The following DISC1 variants were observed in gnomAD, a reference collection of about 807,000 sequenced individuals.
DISC1 encodes the protein disrupted in schizophrenia 1 protein.
In DISC1, 57 loss-of-function variants were observed where a neutral mutation model predicts 84.5. The ratio of observed to expected loss-of-function variants is 0.67; its 90% CI spans 0.55 to 0.84. DISC1 has a LOEUF of 0.84. Ranked by LOEUF, DISC1 falls within the 40% of genes least tolerant of loss-of-function variation. The pLI, the probability that DISC1 is intolerant of heterozygous loss-of-function variation, is 0.00. For synonymous variants in DISC1, 411 were observed against 415.2 expected (o/e 0.99, Z 0.12); for missense variants, 1,000 against 1,057.8 (o/e 0.95, Z 0.76).
intron 10 of DISC1, among the ~76,000 whole-genome samples, chr1:231,995,537 G>A (rs1196357740): frequency 6.6e-6 from 1 of 151,214 alleles, no homozygotes; most frequent in South Asian, 2.1e-4. Flanking sequence ...TCCCCTTCCT[G>A]TGTCCATGTG....
chr1:231,808,937 C>T (rs981227394), intron 8 of DISC1, among the ~76,000 whole-genome samples: 1 of 152,094 alleles, frequency 6.6e-6, no homozygotes, highest in African/African-American at 2.4e-5. Flanking sequence ...CACAGAGAGT[C>T]GGGAGGGCAG....
intron 11 of DISC1, among the ~76,000 whole-genome samples, chr1:232,017,257 G>A (rs971822230): frequency 5.9e-5 from 9 of 152,150 alleles, no homozygotes; most frequent in Admixed American, 6.6e-5. Flanking sequence ...ATGGATGGGG[G>A]TAATCACATC....
chr1:231,882,362 C>G (rs1015052211), intron 9 of DISC1, among the ~76,000 whole-genome samples: 1 of 152,146 alleles, frequency 6.6e-6, no homozygotes, highest in Non-Finnish European at 1.5e-5. Context: ...CCAGAATCCC[C>G]TCAATCCTGT....
At chr1:231,728,789 C>G (rs141865865) in intron 3 of DISC1, among the ~76,000 whole-genome samples, 1 of 151,422 alleles carries the variant, frequency 6.6e-6, no homozygotes. Context: ...ATGTGTCCTG[C>G]AGAGCCTTCT....
chr1:231,964,016 C>T (rs1660755610), intron 10 of DISC1, among the ~76,000 whole-genome samples: 1 of 152,158 alleles, frequency 6.6e-6, no homozygotes, highest in African/African-American at 2.4e-5. Context: ...CTGCCAGGCC[C>T]AGGGTGTGGC....
rs74144173 is a variant in DISC1 at position 231,887,521 on chromosome 1, G to A, written c.1981+69004G>A. Among the ~76,000 whole-genome samples, 949 of 152,260 alleles carry A rather than the reference G, an allele frequency of 6.2e-3. 5 individuals are homozygous for A. Among genetic ancestry groups the A allele is most frequent in the African/African-American group, 0.022 (895 of 41,542 alleles). ...CCTTTTGTAGAATATCTGAATCCTG[G>A]TATATCCTTTAGATGGATGTATAAT... On this transcript the variant is annotated intron_variant, in intron 9 of 12. Transcript: ENST00000439617.
intron 9 of DISC1, chr1:231,818,912 T>C (rs1176438772): frequency 2.6e-5 from 27 of 1,019,084 alleles, no homozygotes; most frequent in Non-Finnish European, 3.1e-5. Context: ...TCTGAGAAAA[T>C]TGAGGGAAGA....
At chr1:231,997,489 C>T (rs1666105047) in intron 10 of DISC1, among the ~76,000 whole-genome samples, 2 of 152,104 alleles carry the variant, frequency 1.3e-5, no homozygotes, top group Non-Finnish European at 2.9e-5. Context: ...GTGGAGGGGG[C>T]TTTTCAGACA....
intron 1 of DISC1, among the ~76,000 whole-genome samples, chr1:231,680,219 C>T (rs2063554612): frequency 1.3e-5 from 2 of 151,990 alleles, no homozygotes; most frequent in African/African-American, 2.4e-5. Flanking sequence ...CAGAGTGAGA[C>T]TCTTGTCAAA....
intron 9 of DISC1, among the ~76,000 whole-genome samples, chr1:231,913,468 C>A (rs2089404137): frequency 6.6e-6 from 1 of 152,204 alleles, no homozygotes; most frequent in African/African-American, 2.4e-5. Flanking sequence ...CTGTACATTT[C>A]CTTCTTTCCC....
chr1:231,788,010 C>T (rs919911390), intron 6 of DISC1, among the ~76,000 whole-genome samples: 8 of 152,212 alleles, frequency 5.3e-5, no homozygotes, highest in African/African-American at 1.4e-4. Flanking sequence ...CAGCCGGGCG[C>T]AGTGGCTCAT....
chr1:231,766,438 G>A (rs528820103), intron 4 of DISC1, among the ~76,000 whole-genome samples: 1 of 152,140 alleles, frequency 6.6e-6, no homozygotes, highest in African/African-American at 2.4e-5. Flanking sequence ...AATGTGATGT[G>A]GGCTCTGCAA....
intron 8 of DISC1, among the ~76,000 whole-genome samples, chr1:231,809,323 G>T (rs2125695580): frequency 6.6e-6 from 1 of 152,202 alleles, no homozygotes; most frequent in East Asian, 1.9e-4. Context: ...GCCTGGTGAG[G>T]GAATCTTCCC....
chr1:231,709,441 C>T (rs1307146551), intron 3 of DISC1, among the ~76,000 whole-genome samples: 3 of 152,078 alleles, frequency 2.0e-5, no homozygotes, highest in Non-Finnish European at 4.4e-5. Context: ...CTTGGAACCC[C>T]TGCAGCTCTG....
intron 6 of DISC1, among the ~76,000 whole-genome samples, chr1:231,779,978 A>T (rs557455189): frequency 5.3e-4 from 81 of 152,188 alleles, no homozygotes; most frequent in African/African-American, 1.9e-3. Context: ...TGCAGGCTGT[A>T]ACCCCCTTTT....
At chr1:231,827,411 C>T (rs1005693338) in intron 9 of DISC1, among the ~76,000 whole-genome samples, 1 of 152,142 alleles carries the variant, frequency 6.6e-6, no homozygotes, top group African/African-American at 2.4e-5. Flanking sequence ...AAATATGACT[C>T]ATTATATGGT....
chr1:231,778,784 C>T (rs141588355), intron 6 of DISC1, among the ~76,000 whole-genome samples: 11 of 152,300 alleles, frequency 7.2e-5, no homozygotes, highest in African/African-American at 2.2e-4. Context: ...ACAGGACCCC[C>T]ATTTCCAGTT....
intron 3 of DISC1, among the ~76,000 whole-genome samples, chr1:231,731,955 A>G (rs2071574557): frequency 6.6e-6 from 1 of 152,212 alleles, no homozygotes; most frequent in African/African-American, 2.4e-5. Flanking sequence ...ACTGAGTCTT[A>G]GAGAGGTTCT....
intron 12 of DISC1, among the ~76,000 whole-genome samples, chr1:232,032,541 T>C (rs1171782791): frequency 6.6e-6 from 1 of 152,132 alleles, no homozygotes; most frequent in African/African-American, 2.4e-5. Context: ...TCCAAAGGTG[T>C]TTTAAAGATG....
Sources: gnomAD v4.1 joint callset for allele counts (sites outside exome capture counted in the v4.1 genomes callset) on GRCh38, gnomAD v4.1.1 for gene constraint, MANE v1.5 for transcripts, NCBI Gene and HGNC (gene_info 2026-07-23, HGNC 2026-07-21) for gene names.